COG6: variants seen among roughly 807,000 people sequenced by gnomAD.
The protein encoded by COG6 is component of oligomeric golgi complex 6, also known as conserved oligomeric Golgi complex subunit 6.
COG6 carries 74 observed loss-of-function variants against 88.8 expected under a neutral mutation model. The observed-to-expected ratio is 0.83, with a 90% CI of 0.69 to 1.01. The LOEUF (loss-of-function observed/expected upper bound fraction) is 1.01. Ranked by LOEUF, COG6 falls within the 50% of genes least tolerant of loss-of-function variation. COG6 has a pLI of 0.00. For missense variants in COG6, 800 were observed against 797.9 expected, an observed-to-expected ratio of 1.00 and a Z score of -0.03; for synonymous variants, 286 against 278.7, an observed-to-expected ratio of 1.03 and a Z score of -0.26.
rs780879386 is a variant in COG6, at chr13:39,682,171, G to A, written c.695G>A (p.Ser232Asn). The A allele has an allele frequency of 1.2e-6, 2 of 1,600,334 alleles. No homozygotes were observed. Among genetic ancestry groups the A allele is most frequent in the Non-Finnish European group, 1.7e-6 (2 of 1,167,704 alleles). Residue 232 changes from serine (S) to asparagine (N), a missense_variant and splice_region_variant, in exon 8 of 19, where the codon AGT becomes AAT. Physicochemically the swap from Ser to Asn is conservative, Grantham distance 46. Coordinates refer to ENST00000455146, the MANE Select transcript of COG6 (RefSeq NM_020751.3). ...AYERLYRWAQSECRTLTQESC... is the reference protein window; with the variant it reads ...AYERLYRWAQNECRTLTQESC... Reference sequence around the variant, plus strand: ...AGTTATAATGTTAATTATTTTTCAGGTGAATGCAGAACATTGACACAAGAA... The same window carrying A: ...AGTTATAATGTTAATTATTTTTCAGATGAATGCAGAACATTGACACAAGAA...
At chr13:39,760,715 C>G (rs9603612) in intron 18 of COG6, among the ~76,000 whole-genome samples, 44,840 of 151,896 alleles carry the variant, frequency 0.3, 6,830 homozygotes, top group Non-Finnish European at 0.35. Flanking sequence ...TCTTTGTAAC[C>G]TCAGGTCTTT....
rs997585584 is a variant in COG6 at position 39,751,875 on chromosome 13, C to G, written c.*782C>G. The stretch of plus-strand genomic sequence containing the variant: ...GTAGATAGCCTGAGCTGTGTCTAAG[C>G]CTGGTGTTTAAAGATGGGTATTTGT... On this transcript the variant is annotated 3_prime_UTR_variant, in exon 19 of 19. Transcript: ENST00000455146. 3 of 1,286,180 alleles carry G rather than the reference C, an allele frequency of 2.3e-6. No homozygotes were observed. The African/African-American group carries it at 4.6e-5, about 20-fold the overall frequency. 79.7% of individuals were successfully genotyped at this position (1,286,180 alleles called of 1,614,324 possible). A position where few individuals can be genotyped will look rare whatever the true frequency, so the allele number is the denominator to read the frequency against.
At chr13:39,745,173 A>T (rs2138135202) in intron 18 of COG6, among the ~76,000 whole-genome samples, 1 of 152,368 alleles carries the variant, frequency 6.6e-6, no homozygotes, top group Non-Finnish European at 1.5e-5. Context: ...TTCAGGGCAT[A>T]GGCATGGGCA....
chr13:39,693,399 C>T (rs113154980), intron 11 of COG6, among the ~76,000 whole-genome samples: 49 of 151,794 alleles, frequency 3.2e-4, no homozygotes, highest in African/African-American at 1.1e-3. Context: ...GGCAGCTGGC[C>T]GGATAGCTGA....
Position 39,655,773 on chromosome 13 carries a change from C to T in COG6, c.47C>T (p.Ala16Val). 4 of 1,594,540 alleles carry T rather than the reference C, an allele frequency of 2.5e-6. No homozygotes were observed. In the South Asian group the frequency reaches 4.5e-5, roughly 18 times the overall value. ...GEVVAVSATGAANGLNNGAGG... is the reference protein window; with the variant it reads ...GEVVAVSATGVANGLNNGAGG... ...GTGGTCGCAGTGTCTGCGACCGGGG[C>T]TGCCAACGGCCTCAACAATGGGGCA... The change falls in exon 1 of 19, where the codon GCT becomes GTT. Residue 16 changes from alanine to valine, a missense_variant. By Grantham distance (64) the Ala-to-Val change is moderately conservative. Transcript: ENST00000455146.
chr13:39,698,281 G>A (rs940681600), intron 12 of COG6, among the ~76,000 whole-genome samples: 2 of 151,782 alleles, frequency 1.3e-5, no homozygotes, highest in African/African-American at 4.8e-5. Flanking sequence ...GTTGCTTGAT[G>A]TACACTTTTA....
At chr13:39,769,109 T>TC (rs533293448) in intron 18 of COG6, among the ~76,000 whole-genome samples, 54 of 149,280 alleles carry the variant, frequency 3.6e-4, no homozygotes, top group Non-Finnish European at 6.8e-4. Context: ...GACAAGTTAG[T>TC]CACCCTCCTG....
At chr13:39,676,438 C>G (rs909055724) in intron 4 of COG6, among the ~76,000 whole-genome samples, 2 of 152,064 alleles carry the variant, frequency 1.3e-5, no homozygotes, top group Non-Finnish European at 2.9e-5. Context: ...AAGAACATGA[C>G]ATTTAAATCT....
At chr13:39,674,563 A>G (rs1181971844) in intron 4 of COG6, among the ~76,000 whole-genome samples, 1 of 152,180 alleles carries the variant, frequency 6.6e-6, no homozygotes, top group African/African-American at 2.4e-5. Context: ...ATTGATGTAC[A>G]TGTGTTTATA....
chr13:39,733,089 C>G (rs1433992887), intron 18 of COG6, among the ~76,000 whole-genome samples: 1 of 150,908 alleles, frequency 6.6e-6, no homozygotes, highest in Non-Finnish European at 1.5e-5. Context: ...AAGTGTCTTT[C>G]AAACTGAAAG....
At chr13:39,679,927 T>G in intron 6 of COG6, 48 bp from the exon 7 acceptor site, 1 of 966,882 alleles carries the variant, frequency 1.0e-6, no homozygotes, top group Admixed American at 1.7e-5. Context: ...GGTGCTTAGA[T>G]GTATCTGTTG....
chr13:39,719,119 T>C, intron 13 of COG6, 117 bp from the exon 14 acceptor site: 1 of 949,980 alleles, frequency 1.1e-6, no homozygotes, highest in Non-Finnish European at 1.7e-6. Context: ...TATAGGTTTC[T>C]AATGTGTGAG....
chr13:39,755,198 A>G (rs1880793277), downstream of COG6, among the ~76,000 whole-genome samples: 1 of 152,208 alleles, frequency 6.6e-6, no homozygotes, highest in South Asian at 2.1e-4. Context: ...AGAGAAAAAA[A>G]AGCCAAATGT....
intron 8 of COG6, chr13:39,682,512 A>G (rs1876375986): frequency 2.5e-6 from 1 of 394,304 alleles, no homozygotes. Flanking sequence ...TCTTACTTAT[A>G]TAGAGGTTCA....
At chr13:39,755,219 A>G (rs1018434619), downstream of COG6, among the ~76,000 whole-genome samples, 18 of 152,244 alleles carry the variant, frequency 1.2e-4, no homozygotes, top group African/African-American at 4.3e-4. Context: ...TAGTAATAAC[A>G]GCAAGCATTT....
At chr13:39,732,849 G>A (rs1442164864) in intron 18 of COG6, among the ~76,000 whole-genome samples, 1 of 152,068 alleles carries the variant, frequency 6.6e-6, no homozygotes, top group African/African-American at 2.4e-5. Flanking sequence ...TTTTCTAAAT[G>A]TTATGGCAAA....
rs970523844 is a variant in COG6, at chr13:39,752,402, C to T, written c.*1309C>T. 15 of 1,012,356 alleles carry T rather than the reference C, an allele frequency of 1.5e-5. No homozygotes were observed. The highest frequency in any genetic ancestry group is 1.2e-5 in the Non-Finnish European group (9 of 758,706). The allele number at this position is 1,012,356 out of a possible 1,614,324, so 62.7% of individuals were successfully genotyped here. A position where few individuals can be genotyped will look rare whatever the true frequency, so the allele number is the denominator to read the frequency against. ...TTTGGAGTAAGAATGATTATATAAT[C>T]GTTATCCATTTGGGTATAAATCTGT... On this transcript the variant is annotated 3_prime_UTR_variant, in exon 19 of 19. Coordinates refer to ENST00000455146, the MANE Select transcript of COG6 (RefSeq NM_020751.3).
chr13:39,699,237 C>T (rs1877440096), intron 12 of COG6, among the ~76,000 whole-genome samples: 1 of 151,652 alleles, frequency 6.6e-6, no homozygotes. Flanking sequence ...TCACAAATAT[C>T]TGTTCTGACC....
chr13:39,664,150 C>T (rs937967233), intron 3 of COG6: 1 of 154,670 alleles, frequency 6.5e-6, no homozygotes, highest in African/African-American at 2.4e-5. Context: ...AGAAAGAAAC[C>T]GCAGTAGCAG....
Sources: allele counts gnomAD v4.1 joint callset (sites outside exome capture counted in the v4.1 genomes callset), GRCh38; gene constraint gnomAD v4.1.1; transcripts MANE v1.5; gene names NCBI Gene and HGNC (gene_info 2026-07-23, HGNC 2026-07-21).